Variants in ATAD3C observed in about 807,000 individuals in gnomAD.
ATAD3C encodes ATPase family AAA domain-containing protein 3C.
ATAD3C carries 38 observed loss-of-function variants against 46.3 expected under a neutral mutation model. The ratio of observed to expected loss-of-function variants is 0.82; its 90% CI spans 0.63 to 1.08. The LOEUF (loss-of-function observed/expected upper bound fraction) is 1.08. Ranked by LOEUF, ATAD3C falls within the 50% of genes least tolerant of loss-of-function variation. ATAD3C has a pLI of 0.00. For synonymous variants in ATAD3C, 220 were observed against 236.4 expected, an observed-to-expected ratio of 0.93 and a Z score of 0.63; for missense variants, 563 against 572.7, an observed-to-expected ratio of 0.98 and a Z score of 0.17.
intron 11 of ATAD3C, among the ~76,000 whole-genome samples, chr1:1,464,629 G>C (rs1215390654): frequency 6.6e-6 from 1 of 151,572 alleles, no homozygotes. Context: ...AACTTAGCTG[G>C]GCGTGGTGGT....
At position 1,455,495 on chromosome 1, in the gene ATAD3C, C is replaced by G. The variant is rs1781147; in HGVS notation, c.414C>G (p.Asp138Glu). The G allele has an allele frequency of 5.0e-6, 8 of 1,611,432 alleles. No homozygotes were observed. Among genetic ancestry groups the G allele is most frequent in the South Asian group, 3.3e-5 (3 of 90,846 alleles). Residue 138 changes from aspartate to glutamate, a missense_variant, in exon 5 of 12, where the codon GAC (aspartate) becomes GAG (glutamate). Coordinates refer to ENST00000378785, the MANE Select transcript of ATAD3C (RefSeq NM_001039211.3). ...GGCGGCTCCTCAGTCGACCCCAGGA[C>G]GTGCTGGAGGGTGTTGTGCTTAGTG... is the stretch of plus-strand genomic sequence containing the variant. ...VSRRLLSRPQ[D>E]VLEGVVLSPS...
intron 11 of ATAD3C, among the ~76,000 whole-genome samples, chr1:1,467,728 C>G (rs1639167691): frequency 6.6e-6 from 1 of 152,126 alleles, no homozygotes; most frequent in Admixed American, 6.6e-5. Context: ...CCCACACCCT[C>G]ACCCTGACCC....
At chr1:1,451,796 C>T (rs959063091) in intron 1 of ATAD3C, among the ~76,000 whole-genome samples, 6 of 152,034 alleles carry the variant, frequency 3.9e-5, no homozygotes, top group Non-Finnish European at 7.4e-5. Context: ...CAGCAGTGGC[C>T]CTTGTCAGGG....
In ATAD3C at chr1:1,468,441, G is replaced by C. The variant is rs200175898; in HGVS notation, c.1147G>C (p.Val383Leu). Residue 383 changes from valine (V) to leucine (L), a missense_variant, in exon 12 of 12, where the codon GTG becomes CTG. Physicochemically the swap from Val to Leu is conservative, Grantham distance 32. This residue lies in a region of ATAD3C where 273 missense variants were observed against 253.5 expected (regional missense o/e 1.08). Coordinates refer to ENST00000378785, the MANE Select transcript of ATAD3C (RefSeq NM_001039211.3). ...VLTEAMMDAC[V>L]QDFVQQHQQM... ...GACCGAGGCCATGATGGACGCCTGCGTGCAAGACTTTGTCCAGCAGCACCA... is the reference window on the plus strand; with the variant it reads ...GACCGAGGCCATGATGGACGCCTGCCTGCAAGACTTTGTCCAGCAGCACCA... 39 of 1,613,052 alleles carry C rather than the reference G, an allele frequency of 2.4e-5. 1 individual carries two copies. The highest frequency in any genetic ancestry group is 3.2e-5 in the Non-Finnish European group (38 of 1,179,522).
At chr1:1,451,833 G>A (rs3899060) in intron 1 of ATAD3C, among the ~76,000 whole-genome samples, 7,948 of 152,078 alleles carry the variant, frequency 0.052, 759 homozygotes, top group East Asian at 0.42. Flanking sequence ...TGTTTCTGCC[G>A]CTGGGGAGTT....
chr1:1,455,654 C>CG, intron 5 of ATAD3C, 135 bp downstream of exon 5: 1 of 1,559,962 alleles, frequency 6.4e-7, no homozygotes, highest in Non-Finnish European at 8.7e-7. Flanking sequence ...TGGACCGTGC[C>CG]GGGGATAGAT....
intron 3 of ATAD3C, among the ~76,000 whole-genome samples, chr1:1,453,919 A>T (rs1220502853): frequency 2.0e-5 from 3 of 151,916 alleles, no homozygotes; most frequent in African/African-American, 4.8e-5. Flanking sequence ...GGGATTACAG[A>T]CCTGAGCTAC....
intron 1 of ATAD3C, among the ~76,000 whole-genome samples, chr1:1,451,835 T>C (rs1215793978): frequency 6.6e-6 from 1 of 151,966 alleles, no homozygotes; most frequent in East Asian, 1.9e-4. Context: ...TTTCTGCCGC[T>C]GGGGAGTTTG....
chr1:1,452,239 T>TG (rs947688883), intron 2 of ATAD3C, 117 bp downstream of exon 2: 1 of 1,578,400 alleles, frequency 6.3e-7, no homozygotes, highest in African/African-American at 1.3e-5. Flanking sequence ...GGCTCCTTGG[T>TG]GGGGACACTG....
In ATAD3C at chr1:1,452,406, T is replaced by A; in HGVS notation, c.194T>A (p.Val65Glu). Residue 65 changes from valine to glutamate, a missense_variant, in exon 3 of 12, where the codon GTG (valine) becomes GAG (glutamate). Physicochemically the swap from Val to Glu is moderately radical, Grantham distance 121 (BLOSUM62 -2). Coordinates refer to ENST00000378785, the MANE Select transcript of ATAD3C (RefSeq NM_001039211.3). ...TLFGEGFRAFVTDRDKVTATV... is the reference protein window; with the variant it reads ...TLFGEGFRAFETDRDKVTATV... The stretch of plus-strand genomic sequence containing the variant: ...TTTGGGGAAGGATTCCGTGCCTTTG[T>A]GACAGACCGGGACAAAGTGACAGCC... 1 of 1,613,738 alleles carries A rather than the reference T, an allele frequency of 6.2e-7. No homozygotes were observed. Among genetic ancestry groups the A allele is most frequent in the Non-Finnish European group, 8.5e-7 (1 of 1,179,736 alleles).
intron 11 of ATAD3C, among the ~76,000 whole-genome samples, chr1:1,465,978 G>C (rs1241391136): frequency 6.6e-6 from 1 of 151,844 alleles, no homozygotes; most frequent in Non-Finnish European, 1.5e-5. Flanking sequence ...TTCAATTCTT[G>C]GTTTGGTGAG....
intron 8 of ATAD3C, among the ~76,000 whole-genome samples, chr1:1,457,508 A>G (rs377508091): frequency 1.4e-5 from 2 of 144,076 alleles, no homozygotes; most frequent in East Asian, 4.5e-4. Flanking sequence ...AGGCAGGAGA[A>G]TGGCGTGAAC....
At position 1,458,228 on chromosome 1, in the gene ATAD3C, G is replaced by A. The variant is rs145140489; in HGVS notation, c.742-933G>A. ...ACTCCTGACCTCAAATAATCTGCCCGCTGCTGCCTCCCAAAATGCTGGGAT... is the reference window on the plus strand; with the variant it reads ...ACTCCTGACCTCAAATAATCTGCCCACTGCTGCCTCCCAAAATGCTGGGAT... On this transcript the variant is annotated intron_variant, in intron 8 of 11. Coordinates refer to ENST00000378785, the MANE Select transcript of ATAD3C (RefSeq NM_001039211.3). Among the ~76,000 whole-genome samples the A allele has an allele frequency of 3.6e-3, 540 of 151,846 alleles. 4 individuals carry two copies. The highest frequency in any genetic ancestry group is 0.012 in the African/African-American group (485 of 41,442).
intron 11 of ATAD3C, among the ~76,000 whole-genome samples, chr1:1,465,614 A>G (rs1233785945): frequency 1.3e-5 from 2 of 148,314 alleles, no homozygotes; most frequent in Non-Finnish European, 3.0e-5. Context: ...AAAAAAAAAA[A>G]GATTATTCAT....
chr1:1,462,779 C>G lies in ATAD3C; in HGVS notation c.1089+71C>G. The G allele has an allele frequency of 6.7e-7, 1 of 1,485,122 alleles. No individual in the cohort carries two copies. Among genetic ancestry groups the G allele is most frequent in the Admixed American group, 2.0e-5 (1 of 50,616 alleles). The allele number at this position is 1,485,122 out of a possible 1,614,324, so 92.0% of individuals were successfully genotyped here. ...TGTGCAGATGCTTGGTTGCGCCAGG[C>G]CTGTCCCAGCACCGGTGTCACGTGG... On this transcript the variant is annotated intron_variant, in intron 11 of 11. Coordinates refer to ENST00000378785, the MANE Select transcript of ATAD3C (RefSeq NM_001039211.3). This position sits in a 1 kb window ranked among gnomAD's most constrained non-coding sequence, Gnocchi z 4.5.
At chr1:1,465,252 C>T (rs914195164) in intron 11 of ATAD3C, among the ~76,000 whole-genome samples, 4 of 151,786 alleles carry the variant, frequency 2.6e-5, no homozygotes, top group African/African-American at 7.3e-5. Flanking sequence ...TTTATTCTTT[C>T]GGATGCTATT....
chr1:1,453,726 G>A (rs1300005112), intron 3 of ATAD3C, among the ~76,000 whole-genome samples: 1 of 150,540 alleles, frequency 6.6e-6, no homozygotes, highest in Non-Finnish European at 1.5e-5. Flanking sequence ...TGCAACCTCC[G>A]ACTCGCGGGT....
rs147051071 is a variant in ATAD3C, at chr1:1,462,517, G to T, written c.981-83G>T. On this transcript the variant is annotated intron_variant, in intron 10 of 11. Transcript: ENST00000378785. The surrounding 1 kb of genome is among the most constrained non-coding windows in gnomAD (Gnocchi z 4.5). ...AAGGGGGCATCTGGCATGGGTGTCCGCCTGGCTGCCTGTCTTCCGGCCTCC... is the reference window on the plus strand; with the variant it reads ...AAGGGGGCATCTGGCATGGGTGTCCTCCTGGCTGCCTGTCTTCCGGCCTCC... 3 of 1,374,214 alleles carry T rather than the reference G, an allele frequency of 2.2e-6. No homozygotes were observed. The highest frequency in any genetic ancestry group is 2.5e-5 in the East Asian group (1 of 39,700). The allele number at this position is 1,374,214 out of a possible 1,614,324, so 85.1% of individuals were successfully genotyped here.
At position 1,457,953 on chromosome 1, in the gene ATAD3C, G is replaced by GGTGTGA. The variant is rs372287688; in HGVS notation, c.741+775_741+780dup. 7.6e-3 allele frequency among the ~76,000 whole-genome samples: 1,152 copies of GGTGTGA among 151,700 alleles called. 21 individuals are homozygous for GGTGTGA. Among genetic ancestry groups the GGTGTGA allele is most frequent in the African/African-American group, 0.027 (1,110 of 41,336 alleles). On this transcript the variant is annotated intron_variant, in intron 8 of 11. Coordinates refer to ENST00000378785, the MANE Select transcript of ATAD3C (RefSeq NM_001039211.3). The stretch of plus-strand genomic sequence containing the variant: ...AGCCTCTCAAAGTGCTGGTATTATA[G>GGTGTGA]GTGTGAGCCACTGCACCCGGTCTAT...
Sources: allele counts gnomAD v4.1 joint callset (sites outside exome capture counted in the v4.1 genomes callset), GRCh38; gene constraint gnomAD v4.1.1; regional missense constraint gnomAD v4.1.1; non-coding constraint Gnocchi (gnomAD v3.1); transcripts MANE v1.5; gene names NCBI Gene and HGNC (gene_info 2026-07-23, HGNC 2026-07-21).